The following BCAS3 variants were observed in gnomAD, a reference collection of about 807,000 sequenced individuals.
BCAS3 encodes BCAS3 microtubule associated cell migration factor, also known as BCAS4/BCAS3 fusion.
Under a neutral mutation model 116.1 loss-of-function variants are expected in BCAS3, and 53 were observed. The ratio of observed to expected loss-of-function variants is 0.46; its 90% CI spans 0.37 to 0.57. BCAS3 has a LOEUF of 0.57. BCAS3 is among the 20% of genes least tolerant of loss of function. The probability of loss-of-function intolerance (pLI) is 0.00; values close to 1 mark genes in which losing one functional copy is unlikely to be tolerated. For missense variants in BCAS3, 917 were observed against 1,165.4 expected (o/e 0.79, Z 3.10); for synonymous variants, 391 against 408.2 (o/e 0.96, Z 0.51).
chr17:61,304,494 G>T (rs371317820), intron 22 of BCAS3, among the ~76,000 whole-genome samples: 37 of 152,234 alleles, frequency 2.4e-4, no homozygotes, highest in Admixed American at 5.2e-4. Context: ...TCTTGCTCTT[G>T]TTTTTTCCAT....
rs116137402 is a variant in BCAS3 at position 61,171,652 on chromosome 17, C to T, written c.2425+87088C>T. On this transcript the variant is annotated intron_variant, in intron 22 of 23. Transcript: ENST00000407086. This position sits in a 1 kb window ranked among gnomAD's most constrained non-coding sequence, Gnocchi z 4.1. ...TTATTTTATTTTTTTTTTGAAACAGCGTCTGTTGCCAAGGCTGATATGCAG... is the reference window on the plus strand; with the variant it reads ...TTATTTTATTTTTTTTTTGAAACAGTGTCTGTTGCCAAGGCTGATATGCAG... 6.4e-3 allele frequency among the ~76,000 whole-genome samples: 966 copies of T among 151,670 alleles called. 15 individuals are homozygous for T. Among genetic ancestry groups the T allele is most frequent in the Middle Eastern group, 0.027 (8 of 294 alleles).
intron 22 of BCAS3, among the ~76,000 whole-genome samples, chr17:61,269,022 G>T (rs934750777): frequency 2.6e-5 from 4 of 151,760 alleles, no homozygotes; most frequent in Non-Finnish European, 5.9e-5. Context: ...ATCCATCAGT[G>T]GACATTTAGG....
rs1602759254 is a variant in BCAS3 at position 61,333,521 on chromosome 17, A to G, written c.2426-34806A>G. ...CTTGCCAATCCCGTGCAAACCACGC[A>G]ATGTCTGCCAGCGCTCACTGCCTTC... On this transcript the variant is annotated intron_variant, in intron 22 of 23. Transcript: ENST00000407086. The surrounding 1 kb of genome is among the most constrained non-coding windows in gnomAD (Gnocchi z 4.8). Among the ~76,000 whole-genome samples, 1 of 152,002 alleles carries G rather than the reference A, an allele frequency of 6.6e-6. No homozygotes were observed. Among genetic ancestry groups the G allele is most frequent in the African/African-American group, 2.4e-5 (1 of 41,376 alleles).
At chr17:60,792,363 G>A (rs1468926761) in intron 6 of BCAS3, among the ~76,000 whole-genome samples, 1 of 152,222 alleles carries the variant, frequency 6.6e-6, no homozygotes, top group Non-Finnish European at 1.5e-5. Context: ...ATGCCTGGCT[G>A]TCAGCAGTGG....
intron 6 of BCAS3, among the ~76,000 whole-genome samples, chr17:60,766,941 A>G (rs992450634): frequency 3.3e-5 from 5 of 152,092 alleles, no homozygotes; most frequent in Non-Finnish European, 7.4e-5. Flanking sequence ...ACTGCCTTGC[A>G]GTTTGATCTC....
intron 14 of BCAS3, among the ~76,000 whole-genome samples, chr17:60,971,654 A>G (rs2061968873): frequency 6.6e-6 from 1 of 152,204 alleles, no homozygotes; most frequent in African/African-American, 2.4e-5. Context: ...CTGTGAATCC[A>G]GTGCCTCTTG....
At chr17:61,001,087 T>G (rs2064205208) in intron 15 of BCAS3, among the ~76,000 whole-genome samples, 1 of 152,164 alleles carries the variant, frequency 6.6e-6, no homozygotes, top group South Asian at 2.1e-4. Flanking sequence ...AAGTGTCTCC[T>G]TTCCTATTAA....
rs1357150352 is a variant in BCAS3 at position 61,161,611 on chromosome 17, G to A, written c.2425+77047G>A. On this transcript the variant is annotated intron_variant, in intron 22 of 23. Coordinates refer to ENST00000407086, the MANE Select transcript of BCAS3 (RefSeq NM_017679.5). The surrounding 1 kb of genome is among the most constrained non-coding windows in gnomAD (Gnocchi z 4.8). ...ATTTCTGAATGAAAAGATAGACGAT[G>A]TCTTTATTTTAAACAATCTAGTGGT... Among the ~76,000 whole-genome samples the A allele has an allele frequency of 1.3e-5, 2 of 152,090 alleles. No individual in the cohort carries two copies. The highest frequency in any genetic ancestry group is 4.8e-5 in the African/African-American group (2 of 41,390).
rs1372361896 is a variant in BCAS3, at chr17:61,354,122, C to A, written c.2426-14205C>A. ...CAGCATGCCAGTTTGTTCACTGAGA[C>A]CTTCACAGAAGGTCGCACAACCACC... On this transcript the variant is annotated intron_variant, in intron 22 of 23. Transcript: ENST00000407086. The surrounding 1 kb of genome is among the most constrained non-coding windows in gnomAD (Gnocchi z 4.5). The A allele has an allele frequency of 1.3e-5, 2 of 152,154 alleles. No homozygotes were observed. The highest frequency in any genetic ancestry group is 1.5e-5 in the Non-Finnish European group (1 of 68,036). The allele number at this position is 152,154 out of a possible 1,614,324, so 9.4% of individuals were successfully genotyped here. A position where few individuals can be genotyped will look rare whatever the true frequency, so the allele number is the denominator to read the frequency against.
chr17:61,096,057 G>A (rs2073948035), intron 22 of BCAS3, among the ~76,000 whole-genome samples: 1 of 152,104 alleles, frequency 6.6e-6, no homozygotes, highest in African/African-American at 2.4e-5. Flanking sequence ...GAGTGCAGTG[G>A]TGTGATATCG....
rs569737914 is a variant in BCAS3 at position 61,072,009 on chromosome 17, G to A, written c.2030-2911G>A. Among the ~76,000 whole-genome samples, 157 of 152,172 alleles carry A rather than the reference G, an allele frequency of 1.0e-3. 1 individual carries two copies. Among genetic ancestry groups the A allele is most frequent in the Admixed American group, 3.1e-3 (48 of 15,272 alleles). On this transcript the variant is annotated intron_variant, in intron 19 of 23. Transcript: ENST00000407086. The stretch of plus-strand genomic sequence containing the variant: ...GATAATGAAAAATATTATCCCACCA[G>A]ATTTATTTTTTATATTGCCCATCTT...
At position 60,874,254 on chromosome 17, in the gene BCAS3, T is replaced by A. The variant is rs112447700; in HGVS notation, c.585-408T>A. On this transcript the variant is annotated intron_variant, in intron 8 of 23. Transcript: ENST00000407086. ...GCTAGTTTATTTGTATTATTTCTTA[T>A]AGAGACAGGGTCTTCCTTTGTTGCC... 3.8e-3 allele frequency among the ~76,000 whole-genome samples: 573 copies of A among 152,066 alleles called. 3 individuals carry two copies. The highest frequency in any genetic ancestry group is 0.013 in the African/African-American group (545 of 41,470).
intron 6 of BCAS3, among the ~76,000 whole-genome samples, chr17:60,793,216 C>G (rs780061667): frequency 6.6e-6 from 1 of 152,278 alleles, no homozygotes. Context: ...TCTGCCTCAG[C>G]CTCCCGAGTA....
At chr17:60,720,361 T>A (rs765593422) in intron 5 of BCAS3, 1 of 152,234 alleles carries the variant, frequency 6.6e-6, no homozygotes, top group Non-Finnish European at 1.5e-5. Context: ...GATCTTGAAC[T>A]CTTGAGCTCA....
At chr17:60,739,868 G>GTTTTTTTT (rs1203592870) in intron 5 of BCAS3, among the ~76,000 whole-genome samples, 4 of 146,888 alleles carry the variant, frequency 2.7e-5, no homozygotes, top group African/African-American at 1.0e-4. Flanking sequence ...AGAGGTTGCT[G>GTTTTTTTT]TTTTTTTTGT....
intron 6 of BCAS3, among the ~76,000 whole-genome samples, chr17:60,803,493 T>G (rs1300472511): frequency 6.6e-6 from 1 of 152,220 alleles, no homozygotes; most frequent in African/African-American, 2.4e-5. Context: ...GTCATCTATT[T>G]CCAAAATTTC....
At chr17:60,987,743 G>GT (rs1391294741) in intron 14 of BCAS3, among the ~76,000 whole-genome samples, 1 of 151,938 alleles carries the variant, frequency 6.6e-6, no homozygotes, top group East Asian at 1.9e-4. Context: ...GAGTCTTTAG[G>GT]TTTTTCTGAA....
rs540181769 is a variant in BCAS3 at position 61,180,545 on chromosome 17, G to A, written c.2425+95981G>A. 5.3e-5 allele frequency among the ~76,000 whole-genome samples: 8 copies of A among 152,322 alleles called. No homozygotes were observed. The highest frequency in any genetic ancestry group is 4.6e-4 in the Admixed American group (7 of 15,306). ...GTAGACTGCACATCCAGACTTGACC[G>A]TCAGGTCACCTGAAGGACAGGTTCC... is the stretch of plus-strand genomic sequence containing the variant. On this transcript the variant is annotated intron_variant, in intron 22 of 23. Coordinates refer to ENST00000407086, the MANE Select transcript of BCAS3 (RefSeq NM_017679.5). This position sits in a 1 kb window ranked among gnomAD's most constrained non-coding sequence, Gnocchi z 6.0.
chr17:61,089,866 T>C (rs2073409016), intron 22 of BCAS3, among the ~76,000 whole-genome samples: 1 of 152,054 alleles, frequency 6.6e-6, no homozygotes, highest in African/African-American at 2.4e-5. Flanking sequence ...TATTTCACTG[T>C]ATTGACAGTT....
Sources: allele counts gnomAD v4.1 joint callset (sites outside exome capture counted in the v4.1 genomes callset), GRCh38; gene constraint gnomAD v4.1.1; non-coding constraint Gnocchi (gnomAD v3.1); transcripts MANE v1.5; gene names NCBI Gene and HGNC (gene_info 2026-07-23, HGNC 2026-07-21).